Variants in FLT1 observed in about 807,000 individuals in gnomAD.
FLT1 encodes fms related receptor tyrosine kinase 1, also known as vascular endothelial growth factor receptor 1.
Under a neutral mutation model 156.3 loss-of-function variants are expected in FLT1, and 49 were observed. The observed-to-expected ratio is 0.31, with a 90% CI of 0.25 to 0.40. The LOEUF (loss-of-function observed/expected upper bound fraction) is 0.40, where lower values mean the gene tolerates loss of function less well. Among genes scored for constraint, FLT1 ranks in the 10% least tolerant of loss-of-function variants. The pLI, the probability that FLT1 is intolerant of heterozygous loss-of-function variation, is 1.00. For missense variants in FLT1, 1,322 were observed against 1,637.2 expected, an observed-to-expected ratio of 0.81 and a Z score of 3.32; for synonymous variants, 594 against 583.8, an observed-to-expected ratio of 1.02 and a Z score of -0.25.
chr13:28,374,339 C>T (rs576627629), intron 14 of FLT1, among the ~76,000 whole-genome samples: 3 of 151,790 alleles, frequency 2.0e-5, no homozygotes, highest in South Asian at 2.1e-4. Flanking sequence ...CACCTGAGCC[C>T]GGGAGGTTGA....
Position 28,427,792 on chromosome 13 carries a change from T to C in FLT1, c.1236A>G (p.Ser412=). ...TGGCAGTGAGGTTTTTAAACACATT[T>C]GACTGTTTTATGCTCAGCAAGATTG... ...NYTILLSIKQ[S]NVFKNLTATL... The change falls in exon 9 of 30, where the codon TCA becomes TCG. Residue 412 remains serine, a synonymous_variant. Coordinates refer to ENST00000282397, the MANE Select transcript of FLT1 (RefSeq NM_002019.4). 1 of 1,614,028 alleles carries C rather than the reference T, an allele frequency of 6.2e-7. No individual in the cohort carries two copies. The highest frequency in any genetic ancestry group is 8.5e-7 in the Non-Finnish European group (1 of 1,179,904).
Position 28,439,638 on chromosome 13 carries a change from A to G in FLT1, c.389-1293T>C, listed in dbSNP as rs1473883933. ...TAAGTAAGGGAGGGCTCCTCATCCA[A>G]TGTGATTAGCATCCTTGTAAGAAGG... On this transcript the variant is annotated intron_variant, in intron 3 of 29. Transcript: ENST00000282397. This position sits in a 1 kb window ranked among gnomAD's most constrained non-coding sequence, Gnocchi z 4.1. Among the ~76,000 whole-genome samples, 1 of 152,224 alleles carries G rather than the reference A, an allele frequency of 6.6e-6. No homozygotes were observed. Among genetic ancestry groups the G allele is most frequent in the South Asian group, 2.1e-4 (1 of 4,832 alleles).
intron 15 of FLT1, among the ~76,000 whole-genome samples, chr13:28,354,052 G>A (rs547710776): frequency 6.6e-5 from 10 of 152,278 alleles, no homozygotes; most frequent in African/African-American, 2.4e-4. Context: ...GACAAGATAG[G>A]TCAGTGTGAG....
intron 15 of FLT1, among the ~76,000 whole-genome samples, chr13:28,349,023 A>G (rs535739264): frequency 2.0e-5 from 3 of 152,316 alleles, no homozygotes; most frequent in Admixed American, 2.0e-4. Flanking sequence ...GTGCTGGTAT[A>G]CAGTTAGAAG....
intron 3 of FLT1, among the ~76,000 whole-genome samples, chr13:28,453,262 T>C (rs1879083293): frequency 6.6e-6 from 1 of 151,614 alleles, no homozygotes; most frequent in African/African-American, 2.4e-5. Context: ...AAGCTGGGAT[T>C]ACAGGCATGT....
chr13:28,390,233 G>T, intron 12 of FLT1, 129 bp from the exon 13 acceptor site: 1 of 1,268,754 alleles, frequency 7.9e-7, no homozygotes, highest in Non-Finnish European at 1.1e-6. Flanking sequence ...ATGAGTATTT[G>T]GGGTAAATGA....
rs1872528554 is a variant in FLT1, at chr13:28,345,428, A to G, written c.2355+17T>C. ...ATATATGTAAAAAGGAGCATAGAAC[A>G]TCACCTATGTTCTTACCCTTTTCAT... On this transcript the variant is annotated intron_variant, in intron 16 of 29. Coordinates refer to ENST00000282397, the MANE Select transcript of FLT1 (RefSeq NM_002019.4). The G allele has an allele frequency of 6.7e-7, 1 of 1,482,720 alleles. No individual in the cohort carries two copies. The highest frequency in any genetic ancestry group is 1.1e-5 in the South Asian group (1 of 86,982). 91.8% of individuals were successfully genotyped at this position (1,482,720 alleles called of 1,614,324 possible). A position where few individuals can be genotyped will look rare whatever the true frequency, so the allele number is the denominator to read the frequency against.
intron 28 of FLT1, among the ~76,000 whole-genome samples, chr13:28,307,963 T>A (rs375815614): frequency 6.6e-6 from 1 of 152,158 alleles, no homozygotes; most frequent in Non-Finnish European, 1.5e-5. Context: ...TAGTAGAGAC[T>A]GGGTTTCACC....
At chr13:28,323,651 C>CAAAA (rs111841154) in intron 20 of FLT1, among the ~76,000 whole-genome samples, 1 of 125,422 alleles carries the variant, frequency 8.0e-6, no homozygotes, top group African/African-American at 3.2e-5. Flanking sequence ...AACTCCATCT[C>CAAAA]AAAAAAAAAA....
At chr13:28,468,526 C>A (rs577747643) in intron 1 of FLT1, among the ~76,000 whole-genome samples, 2 of 152,250 alleles carry the variant, frequency 1.3e-5, no homozygotes, top group East Asian at 3.9e-4. Flanking sequence ...TCTCACAGTC[C>A]CAGCCTGATA....
intron 4 of FLT1, among the ~76,000 whole-genome samples, chr13:28,436,220 G>A (rs1046535789): frequency 2.8e-4 from 43 of 152,210 alleles, no homozygotes; most frequent in African/African-American, 9.9e-4. Context: ...AGATGGGCAG[G>A]TGGATCTCAG....
At chr13:28,406,896 G>A (rs1042432803) in intron 10 of FLT1, among the ~76,000 whole-genome samples, 1 of 152,140 alleles carries the variant, frequency 6.6e-6, no homozygotes, top group Admixed American at 6.5e-5. Flanking sequence ...AAGTCAGTGA[G>A]AAAAAGGGGA....
intron 18 of FLT1, among the ~76,000 whole-genome samples, chr13:28,331,757 A>G (rs1871940376): frequency 6.6e-6 from 1 of 152,102 alleles, no homozygotes; most frequent in Admixed American, 6.5e-5. Context: ...CCAGAATCAG[A>G]TGGCCAATTA....
chr13:28,313,664 T>A (rs1324344739), intron 25 of FLT1, among the ~76,000 whole-genome samples: 1 of 152,094 alleles, frequency 6.6e-6, no homozygotes. Flanking sequence ...ATAACTCTGC[T>A]CCTTCTGTGA....
At chr13:28,323,095 T>C (rs1178449345) in intron 20 of FLT1, 149 bp from the exon 21 acceptor site, 5 of 823,768 alleles carry the variant, frequency 6.1e-6, no homozygotes, top group Admixed American at 2.1e-5. Flanking sequence ...CCCTACGGTG[T>C]CCAGGAGCCT....
At chr13:28,397,775 T>G (rs1048730629) in intron 11 of FLT1, among the ~76,000 whole-genome samples, 15 of 151,920 alleles carry the variant, frequency 9.9e-5, no homozygotes, top group African/African-American at 3.6e-4. Flanking sequence ...TGTGTGTGTG[T>G]GTGTGTGTGT....
intron 20 of FLT1, among the ~76,000 whole-genome samples, chr13:28,326,738 C>G (rs1871698472): frequency 6.6e-6 from 1 of 152,038 alleles, no homozygotes; most frequent in Non-Finnish European, 1.5e-5. Flanking sequence ...GCTGGCCAGG[C>G]TGGTTTCGAA....
rs199632505 is a variant in FLT1 at position 28,406,029 on chromosome 13, A to AT, written c.1437-136dup. On this transcript the variant is annotated intron_variant, in intron 10 of 29. Transcript: ENST00000282397. The stretch of plus-strand genomic sequence containing the variant: ...TTATGTGTGATCTTCTTTTCCTTAG[A>AT]TTTTTTCCTATATTCATCCTCAAAA... 853 of 673,136 alleles carry AT rather than the reference A, an allele frequency of 1.3e-3. 8 individuals are homozygous for AT. In the East Asian group the frequency reaches 0.017, roughly 14 times the overall value. The allele number at this position is 673,136 out of a possible 1,614,324, so 41.7% of individuals were successfully genotyped here. A position where few individuals can be genotyped will look rare whatever the true frequency, so the allele number is the denominator to read the frequency against.
intron 10 of FLT1, among the ~76,000 whole-genome samples, chr13:28,410,580 A>T (rs765460542): frequency 1.6e-4 from 25 of 152,202 alleles, no homozygotes; most frequent in Non-Finnish European, 3.4e-4. Flanking sequence ...AGATTTTTTT[A>T]AAAGGATCCT....
Sources: gnomAD v4.1 joint callset for allele counts (sites outside exome capture counted in the v4.1 genomes callset) on GRCh38, gnomAD v4.1.1 for gene constraint, Gnocchi (gnomAD v3.1) non-coding constraint, MANE v1.5 for transcripts, NCBI Gene and HGNC (gene_info 2026-07-23, HGNC 2026-07-21) for gene names.